The following GBP7 variants were observed in gnomAD, a reference collection of about 807,000 sequenced individuals.
GBP7 encodes guanylate-binding protein 7.
Under a neutral mutation model 61.3 loss-of-function variants are expected in GBP7, and 43 were observed. The ratio of observed to expected loss-of-function variants is 0.70; its 90% CI spans 0.55 to 0.91. The LOEUF (loss-of-function observed/expected upper bound fraction) is 0.91, where lower values mean the gene tolerates loss of function less well. Ranked by LOEUF, GBP7 falls within the 40% of genes least tolerant of loss-of-function variation. The pLI is 0.00. For synonymous variants in GBP7, 267 were observed against 271.0 expected (o/e 0.99, Z 0.14); for missense variants, 717 against 740.5 (o/e 0.97, Z 0.37).
intron 3 of GBP7, 130 bp from the exon 4 acceptor site, chr1:89,152,907 A>C (rs544545332): frequency 1.8e-6 from 1 of 566,046 alleles, no homozygotes; most frequent in African/African-American, 1.9e-5. Context: ...TCTAAAGGAA[A>C]CACAAATGTA....
Position 89,150,487 on chromosome 1 carries a change from C to G in GBP7, c.714G>C (p.Arg238=). ...FPKQKCFVFD[R]PINDKKLLLH... is the part of the protein sequence containing the mutation. ...GTAAGAGTTTTTTGTCATTTATTGG[C>G]CGGTCAAAGACAAAGCACTTCTGTT... The change falls in exon 6 of 11, where the codon CGG becomes CGC. Residue 238 remains arginine (R), a synonymous_variant. Coordinates refer to ENST00000294671, the MANE Select transcript of GBP7 (RefSeq NM_207398.3). The G allele has an allele frequency of 1.2e-6, 2 of 1,613,952 alleles. No homozygotes were observed. Among genetic ancestry groups the G allele is most frequent in the Middle Eastern group, 1.6e-4 (1 of 6,062 alleles).
At chr1:89,146,078 A>T (rs957983699) in intron 8 of GBP7, among the ~76,000 whole-genome samples, 1 of 152,234 alleles carries the variant, frequency 6.6e-6, no homozygotes, top group African/African-American at 2.4e-5. Flanking sequence ...AAAGGTATCA[A>T]GTAGTGTAAT....
At chr1:89,171,514 AT>A (rs922682273) in intron 2 of GBP7, among the ~76,000 whole-genome samples, 4 of 151,774 alleles carry the variant, frequency 2.6e-5, no homozygotes, top group Non-Finnish European at 4.4e-5. Context: ...TTATTATTTA[AT>A]TTTTTTATTA....
intron 8 of GBP7, among the ~76,000 whole-genome samples, chr1:89,143,125 T>A (rs1681991260): frequency 6.6e-6 from 1 of 152,124 alleles, no homozygotes; most frequent in Non-Finnish European, 1.5e-5. Context: ...CAAATTGATG[T>A]TCTGATTTAT....
intron 4 of GBP7, 65 bp downstream of exon 4, chr1:89,152,601 GAC>G: frequency 3.9e-6 from 6 of 1,531,206 alleles, no homozygotes; most frequent in Non-Finnish European, 5.4e-6. Context: ...CAACAAAGAA[GAC>G]ACAGTATCAG....
Position 89,150,346 on chromosome 1 carries a change from G to A in GBP7, c.855C>T (p.Ile285=), listed in dbSNP as rs776680544. The change falls in exon 6 of 11, where the codon ATC becomes ATT. Residue 285 remains isoleucine, a synonymous_variant. Transcript: ENST00000294671. ...HAKTKTLREG[I]LVTGNRLGML... is the part of the protein sequence containing the mutation. Reference sequence around the variant, plus strand: ...TAGACTCACGGTTTCCAGTGACAAGGATTCCCTCTCTCAGGGTCTTGGTCT... The same window carrying A: ...TAGACTCACGGTTTCCAGTGACAAGAATTCCCTCTCTCAGGGTCTTGGTCT... 5.6e-6 allele frequency: 9 copies of A among 1,613,172 alleles called. No homozygotes were observed. The South Asian group carries it at 6.6e-5, about 12-fold the overall frequency.
intron 2 of GBP7, among the ~76,000 whole-genome samples, chr1:89,168,703 G>A (rs1281581729): frequency 2.6e-5 from 4 of 152,136 alleles, no homozygotes; most frequent in African/African-American, 9.7e-5. Context: ...GGGAGGCCAA[G>A]GCGGGTGGAT....
In GBP7 at chr1:89,152,448, T is replaced by C. The variant is rs192538374; in HGVS notation, c.445A>G (p.Thr149Ala). 3.1e-6 allele frequency: 5 copies of C among 1,614,064 alleles called. No homozygotes were observed. In the African/African-American group the frequency reaches 4.0e-5, roughly 13 times the overall value. The change falls in exon 5 of 11, where the codon ACA (threonine) becomes GCA (alanine). Residue 149 changes from threonine (T) to alanine (A), a missense_variant. Physicochemically the swap from Thr to Ala is moderately conservative, Grantham distance 58 (BLOSUM62 0). Around this residue, in one of 3 missense-constraint regions of GBP7, gnomAD observed 387 missense variants for 385.2 expected, o/e 1.00. Coordinates refer to ENST00000294671, the MANE Select transcript of GBP7 (RefSeq NM_207398.3). Reference protein sequence around the residue: ...LEQLHYVTELTELIRAKSCPR... With the variant: ...LEQLHYVTELAELIRAKSCPR... ...CACGATTTTGCCCTGATTAGCTCTG[T>C]TAGCTCAGTCACGTAGCTGGGATCT...
intron 9 of GBP7, among the ~76,000 whole-genome samples, chr1:89,137,064 A>T (rs1303377334): frequency 6.6e-6 from 1 of 152,160 alleles, no homozygotes. Flanking sequence ...GAAGAAATGG[A>T]TAAATTCCTG....
At chr1:89,141,454 T>C in intron 9 of GBP7, 92 bp downstream of exon 9, 1 of 1,088,652 alleles carries the variant, frequency 9.2e-7, no homozygotes, top group Non-Finnish European at 1.4e-6. Flanking sequence ...AGAAGAAAGC[T>C]CCTGGTATAA....
chr1:89,151,941 A>C (rs774963384), intron 5 of GBP7, among the ~76,000 whole-genome samples: 1 of 152,228 alleles, frequency 6.6e-6, no homozygotes, highest in Non-Finnish European at 1.5e-5. Flanking sequence ...GAGCACTTGA[A>C]GTTAATAAGT....
At chr1:89,139,848 T>C (rs1054657231) in intron 9 of GBP7, among the ~76,000 whole-genome samples, 6 of 152,332 alleles carry the variant, frequency 3.9e-5, no homozygotes, top group Admixed American at 2.6e-4. Flanking sequence ...TTGGTGGGAC[T>C]GTAAACTAGT....
chr1:89,171,815 C>A lies in GBP7; in HGVS notation c.121G>T (p.Val41Leu). The A allele has an allele frequency of 6.2e-7, 1 of 1,613,760 alleles. No individual in the cohort carries two copies. The highest frequency in any genetic ancestry group is 8.5e-7 in the Non-Finnish European group (1 of 1,179,946). The change falls in exon 2 of 11, where the codon GTG (valine) becomes TTG (leucine). Residue 41 changes from valine (V) to leucine (L), a missense_variant. Val to Leu is a conservative substitution (Grantham distance 32). Around this residue, in one of 3 missense-constraint regions of GBP7, gnomAD observed 387 missense variants for 385.2 expected, o/e 1.00. Transcript: ENST00000294671. Reference protein sequence around the residue: ...LSAITQPVVVVAIVGLYRTGK... With the variant: ...LSAITQPVVVLAIVGLYRTGK... ...GTGCGGTAGAGGCCCACAATTGCCA[C>A]CACTACTACAGGCTGTGTAATGGCA...
At chr1:89,173,908 C>G (rs1647669581) in intron 1 of GBP7, among the ~76,000 whole-genome samples, 1 of 152,176 alleles carries the variant, frequency 6.6e-6, no homozygotes, top group African/African-American at 2.4e-5. Flanking sequence ...CTACCACATT[C>G]CCACCCATCC....
intron 9 of GBP7, among the ~76,000 whole-genome samples, chr1:89,134,006 A>G (rs1277845940): frequency 2.0e-5 from 3 of 152,214 alleles, no homozygotes; most frequent in African/African-American, 7.2e-5. Flanking sequence ...GAACTGGGCT[A>G]TCTTGCCTGT....
At chr1:89,155,627 T>C (rs1682300736) in intron 3 of GBP7, among the ~76,000 whole-genome samples, 1 of 151,976 alleles carries the variant, frequency 6.6e-6, no homozygotes, top group South Asian at 2.1e-4. Context: ...ATCAAATGAA[T>C]GAAATGAAGT....
In GBP7 at chr1:89,141,575, G is replaced by A. The variant is rs755436006; in HGVS notation, c.1439C>T (p.Ala480Val). The change falls in exon 9 of 11, where the codon GCC becomes GTC. Residue 480 changes from alanine to valine, a missense_variant. Physicochemically the swap from Ala to Val is moderately conservative, Grantham distance 64 (BLOSUM62 0). Coordinates refer to ENST00000294671, the MANE Select transcript of GBP7 (RefSeq NM_207398.3). ...TATGGCCTTCTCTCCAGCAGTGAGG[G>A]CTTTGTCTGACTGCAGGATGGATTC... ...IEESILQSDK[A>V]LTAGEKAIAA... 26 of 1,613,854 alleles carry A rather than the reference G, an allele frequency of 1.6e-5. No homozygotes were observed. The South Asian group carries it at 2.9e-4, about 18-fold the overall frequency.
Position 89,141,657 on chromosome 1 carries a change from C to G in GBP7, c.1366-9G>C. On this transcript the variant is annotated splice_polypyrimidine_tract_variant and intron_variant, in intron 8 of 10. Transcript: ENST00000294671. ...TGGAGGACCTCGTCTGCCTGAAGAA[C>G]CAAGAAGGAGCAAAGACCTGTCAGG... The G allele has an allele frequency of 6.2e-7, 1 of 1,610,370 alleles. No individual in the cohort carries two copies. The highest frequency in any genetic ancestry group is 2.2e-5 in the East Asian group (1 of 44,852).
At chr1:89,159,497 A>G (rs763433175) in intron 3 of GBP7, among the ~76,000 whole-genome samples, 1 of 152,214 alleles carries the variant, frequency 6.6e-6, no homozygotes, top group Non-Finnish European at 1.5e-5. Flanking sequence ...TATACAAAGA[A>G]CTTAAACAAA....
Sources: gnomAD v4.1 joint callset for allele counts (sites outside exome capture counted in the v4.1 genomes callset) on GRCh38, gnomAD v4.1.1 for gene constraint, gnomAD v4.1.1 regional missense constraint, MANE v1.5 for transcripts, NCBI Gene and HGNC (gene_info 2026-07-23, HGNC 2026-07-21) for gene names.